MEI1: variants seen among roughly 807,000 people sequenced by gnomAD.
The protein encoded by MEI1 is meiotic double-stranded break formation protein 1.
MEI1 carries 103 observed loss-of-function variants against 146.2 expected under a neutral mutation model. The observed-to-expected ratio is 0.70, with a 90% CI of 0.60 to 0.83. The LOEUF is 0.83. MEI1 is among the 40% of genes least tolerant of loss of function. The pLI, the probability that MEI1 is intolerant of heterozygous loss-of-function variation, is 0.00. For synonymous variants in MEI1, 652 were observed against 628.2 expected (o/e 1.04, Z -0.57); for missense variants, 1,529 against 1,533.0 (o/e 1.00, Z 0.04).
At chr22:41,717,801 A>T (rs1472475494) in intron 5 of MEI1, among the ~76,000 whole-genome samples, 1 of 151,234 alleles carries the variant, frequency 6.6e-6, no homozygotes, top group Non-Finnish European at 1.5e-5. Context: ...TTTTTAGTAG[A>T]TGCTGGGTCT....
intron 11 of MEI1, among the ~76,000 whole-genome samples, chr22:41,734,129 A>AAAAATAAAATAAAATAAAAT (rs57256126): frequency 0.016 from 2,416 of 150,882 alleles, 66 homozygotes; most frequent in African/African-American, 0.056. Context: ...TTCTGTCTCA[A>AAAAATAAAATAAAATAAAAT]AAAATAAAAT....
chr22:41,784,275 C>T, intron 24 of MEI1, 64 bp from the exon 25 acceptor site: 2 of 1,430,994 alleles, frequency 1.4e-6, no homozygotes, highest in Non-Finnish European at 2.0e-6. Flanking sequence ...GATTTTCAGG[C>T]AGGTTATTTT....
chr22:41,790,177 G>A (rs1414709023), intron 26 of MEI1, among the ~76,000 whole-genome samples: 2 of 152,166 alleles, frequency 1.3e-5, no homozygotes, highest in South Asian at 2.1e-4. Flanking sequence ...CTGCCTTCCA[G>A]TTGCAAGAGA....
At chr22:41,798,116 A>AACACACACAC (rs60766866) in intron 30 of MEI1, among the ~76,000 whole-genome samples, 59 of 135,912 alleles carry the variant, frequency 4.3e-4, no homozygotes, top group East Asian at 2.9e-3. Flanking sequence ...TCCTCAGCCC[A>AACACACACAC]ACACACACAC....
chr22:41,713,569 CAG>C (rs2069808381), intron 3 of MEI1, among the ~76,000 whole-genome samples: 1 of 151,742 alleles, frequency 6.6e-6, no homozygotes, highest in Non-Finnish European at 1.5e-5. Context: ...GTTTTTGAGA[CAG>C]AGTTTTTGCT....
At chr22:41,751,291 C>G (rs1303953445) in intron 15 of MEI1, among the ~76,000 whole-genome samples, 2 of 152,096 alleles carry the variant, frequency 1.3e-5, no homozygotes, top group Non-Finnish European at 2.9e-5. Context: ...CTGCTTTAGC[C>G]CCAGGATAAA....
Position 41,706,814 on chromosome 22 carries a change from G to T in MEI1, c.349+1260G>T, listed in dbSNP as rs182466336. ...GCCCTGGTATGTGACGATTCTTGCA[G>T]AGAGAGTGAGAATTGTACTAGTTAG... On this transcript the variant is annotated intron_variant, in intron 3 of 30. Transcript: ENST00000401548. 3.2e-3 allele frequency among the ~76,000 whole-genome samples: 482 copies of T among 152,240 alleles called. 3 individuals carry two copies. The highest frequency in any genetic ancestry group is 0.011 in the African/African-American group (460 of 41,520).
At chr22:41,713,253 T>C (rs1414943871) in intron 3 of MEI1, among the ~76,000 whole-genome samples, 2 of 152,122 alleles carry the variant, frequency 1.3e-5, no homozygotes, top group African/African-American at 4.8e-5. Flanking sequence ...GGAGGACTGC[T>C]GAAGCCCAGG....
chr22:41,762,368 T>C (rs1216701593), intron 18 of MEI1, among the ~76,000 whole-genome samples: 1 of 145,562 alleles, frequency 6.9e-6, no homozygotes, highest in East Asian at 2.2e-4. Flanking sequence ...TTTCCTTACC[T>C]TCCCCTTCCC....
At chr22:41,747,698 C>G (rs573394726) in intron 14 of MEI1, among the ~76,000 whole-genome samples, 1 of 151,106 alleles carries the variant, frequency 6.6e-6, no homozygotes, top group African/African-American at 2.4e-5. Flanking sequence ...AGCAAGACTC[C>G]GTCTCAAAGA....
chr22:41,735,600 T>C (rs188933913), intron 11 of MEI1, among the ~76,000 whole-genome samples: 26 of 152,354 alleles, frequency 1.7e-4, no homozygotes, highest in Admixed American at 7.2e-4. Context: ...TCCATAGATG[T>C]AGAATCCACA....
intron 19 of MEI1, among the ~76,000 whole-genome samples, 193 bp downstream of exon 19, chr22:41,763,514 C>T (rs1421773882): frequency 1.2e-5 from 1 of 80,586 alleles, no homozygotes; most frequent in East Asian, 4.7e-4. Flanking sequence ...TTATCTCAGC[C>T]TTCCTGGGAG....
At chr22:41,798,116 A>AACAC (rs60766866) in intron 30 of MEI1, among the ~76,000 whole-genome samples, 2,367 of 135,848 alleles carry the variant, frequency 0.017, 42 homozygotes, top group East Asian at 0.031. Flanking sequence ...TCCTCAGCCC[A>AACAC]ACACACACAC....
At chr22:41,705,617 G>A in intron 3 of MEI1, 63 bp downstream of exon 3, 1 of 1,452,482 alleles carries the variant, frequency 6.9e-7, no homozygotes, top group Admixed American at 1.7e-5. Context: ...TGCAGCTCTG[G>A]TTACTTGAGA....
rs1569183313 is a variant in MEI1, at chr22:41,724,024, AT to A, written c.816del (p.Asn272LysfsTer34). ...GATGGACTGGGAGAAAGTGCTAAGAATATCGAAGGGTCATCAGGAAATACCT... is the reference window on the plus strand; with the variant it reads ...GATGGACTGGGAGAAAGTGCTAAGAAATCGAAGGGTCATCAGGAAATACCT... ...NQDGLGESAK[N>X]IEGSSGNTSL... On this transcript the variant is annotated frameshift_variant, in exon 7 of 31. Transcript: ENST00000401548. LOFTEE classifies it high-confidence loss of function. 1 of 1,613,888 alleles carries A rather than the reference AT, an allele frequency of 6.2e-7. No homozygotes were observed. Among genetic ancestry groups the A allele is most frequent in the Middle Eastern group, 1.6e-4 (1 of 6,062 alleles).
At chr22:41,741,566 T>C (rs1435316331) in intron 11 of MEI1, among the ~76,000 whole-genome samples, 4 of 152,252 alleles carry the variant, frequency 2.6e-5, no homozygotes, top group African/African-American at 9.6e-5. Flanking sequence ...CCCACACTCA[T>C]AATGATTGAA....
At chr22:41,725,625 G>A (rs1413451017) in intron 7 of MEI1, among the ~76,000 whole-genome samples, 1 of 152,152 alleles carries the variant, frequency 6.6e-6, no homozygotes, top group East Asian at 1.9e-4. Context: ...GTCTTTCCCT[G>A]GTCCTGCATA....
intron 1 of MEI1, among the ~76,000 whole-genome samples, chr22:41,701,228 C>T (rs970114971): frequency 6.6e-6 from 1 of 152,056 alleles, no homozygotes; most frequent in African/African-American, 2.4e-5. Context: ...CGTGAGCCAC[C>T]ACACCCGGCC....
chr22:41,776,293 A>C (rs370947463), intron 21 of MEI1, 26 bp downstream of exon 21: 1 of 1,611,632 alleles, frequency 6.2e-7, no homozygotes, highest in East Asian at 2.2e-5. Context: ...CTGTGGGCAC[A>C]CTTTGACCTG....
Sources: gnomAD v4.1 joint callset for allele counts (sites outside exome capture counted in the v4.1 genomes callset) on GRCh38, gnomAD v4.1.1 for gene constraint, MANE v1.5 for transcripts, NCBI Gene and HGNC (gene_info 2026-07-23, HGNC 2026-07-21) for gene names.